YBX3: variants seen among roughly 807,000 people sequenced by gnomAD.
YBX3 encodes Y-box binding protein 3.
In YBX3, 29 loss-of-function variants were observed where a neutral mutation model predicts 42.4. The observed-to-expected ratio is 0.68, with a 90% CI of 0.51 to 0.93. YBX3 has a LOEUF of 0.93. Ranked by LOEUF, YBX3 falls within the 40% of genes least tolerant of loss-of-function variation. The pLI, the probability that YBX3 is intolerant of heterozygous loss-of-function variation, is 0.00. For synonymous variants in YBX3, 195 were observed against 189.8 expected (o/e 1.03, Z -0.22); for missense variants, 517 against 527.5 (o/e 0.98, Z 0.19).
intron 4 of YBX3, 39 bp downstream of exon 4, chr12:10,715,655 G>A (rs1187316323): frequency 1.3e-6 from 2 of 1,529,550 alleles, no homozygotes; most frequent in Non-Finnish European, 1.8e-6. Flanking sequence ...ACAGTACTAT[G>A]TGCCAGCACT....
At position 10,722,842 on chromosome 12, in the gene YBX3, T is replaced by C; in HGVS notation, c.262+8A>G. ...ACGGCAGCCCCTGCCCTCCCTGGCC[T>C]GACTCACCGAGAACTTTTTTCTCCG... On this transcript the variant is annotated splice_region_variant and intron_variant, in intron 1 of 9. Coordinates refer to ENST00000228251, the MANE Select transcript of YBX3 (RefSeq NM_003651.5). The C allele has an allele frequency of 6.8e-7, 1 of 1,478,774 alleles. No homozygotes were observed. Among genetic ancestry groups the C allele is most frequent in the South Asian group, 1.3e-5 (1 of 74,408 alleles). 91.6% of individuals were successfully genotyped at this position (1,478,774 alleles called of 1,614,324 possible).
In YBX3 at chr12:10,723,073, G is replaced by GGTA; in HGVS notation, c.38_39insTAC (p.Thr14dup). On this transcript the variant is annotated inframe_insertion, in exon 1 of 10. Transcript: ENST00000228251. ...CCTCCGTCGGAGCCTGCGGGAGGGTGGTGGTGGTGGTGGTGGTGGCCTCGC... is the reference window on the plus strand; with the variant it reads ...CCTCCGTCGGAGCCTGCGGGAGGGTGGTAGTGGTGGTGGTGGTGGTGGCCTCGC... 1 of 1,206,066 alleles carries GGTA rather than the reference G, an allele frequency of 8.3e-7. No homozygotes were observed. Among genetic ancestry groups the GGTA allele is most frequent in the Admixed American group, 4.4e-5 (1 of 22,588 alleles). 74.7% of individuals were successfully genotyped at this position (1,206,066 alleles called of 1,614,324 possible).
intron 5 of YBX3, 150 bp from the exon 6 acceptor site, chr12:10,710,264 TATC>T: frequency 1.3e-6 from 2 of 1,513,790 alleles, no homozygotes; most frequent in Non-Finnish European, 1.8e-6. Flanking sequence ...TAACCCAGAT[TATC>T]ATGTGATTGC....
At chr12:10,722,409 C>G (rs888401141) in intron 1 of YBX3, 1 of 153,476 alleles carries the variant, frequency 6.5e-6, no homozygotes, top group African/African-American at 2.4e-5. Flanking sequence ...CTCTCCTTTC[C>G]CAGATCCCAA....
At chr12:10,713,370 A>G (rs746802214) in intron 4 of YBX3, 37 bp from the exon 5 acceptor site, 1 of 1,606,292 alleles carries the variant, frequency 6.2e-7, no homozygotes, top group African/African-American at 1.3e-5. Context: ...CAAAATTAAA[A>G]AGAATATACA....
rs1028849631 is a variant in YBX3, at chr12:10,715,919, T to G, written c.361-136A>C. The G allele has an allele frequency of 4.2e-5, 29 of 689,712 alleles. 1 individual carries two copies. Among genetic ancestry groups the G allele is most frequent in the Middle Eastern group, 3.1e-4 (1 of 3,220 alleles). 42.7% of individuals were successfully genotyped at this position (689,712 alleles called of 1,614,324 possible). A position where few individuals can be genotyped will look rare whatever the true frequency, so the allele number is the denominator to read the frequency against. ...ATTTTTCCACCATTCTCCCACTAAGTTGGATCTCCAACACAACAACAAGAA... is the reference window on the plus strand; with the variant it reads ...ATTTTTCCACCATTCTCCCACTAAGGTGGATCTCCAACACAACAACAAGAA... On this transcript the variant is annotated intron_variant, in intron 3 of 9. Transcript: ENST00000228251.
At position 10,702,035 on chromosome 12, in the gene YBX3, G is replaced by T; in HGVS notation, c.978C>A (p.Arg326=). The T allele has an allele frequency of 1.7e-5, 27 of 1,614,146 alleles. No homozygotes were observed. Among genetic ancestry groups the T allele is most frequent in the Non-Finnish European group, 2.3e-5 (27 of 1,180,016 alleles). ...ATSGPNQPSV[R]RGYRRPYNYR... is the part of the protein sequence containing the mutation. ...AATTGTAGGGACGCCGGTATCCACGGCGAACAGACGGCTGGTTTGGACCAC... is the reference window on the plus strand; with the variant it reads ...AATTGTAGGGACGCCGGTATCCACGTCGAACAGACGGCTGGTTTGGACCAC... Residue 326 remains arginine, a synonymous_variant, in exon 8 of 10, where the codon CGC becomes CGA. Transcript: ENST00000228251.
At chr12:10,712,182 A>G (rs1203962255) in intron 5 of YBX3, 6 of 152,214 alleles carry the variant, frequency 3.9e-5, no homozygotes, top group Non-Finnish European at 7.3e-5. Context: ...CAGATATTTA[A>G]TTCTGATGAG....
chr12:10,711,677 AGTT>A (rs1948202036), intron 5 of YBX3: 1 of 152,246 alleles, frequency 6.6e-6, no homozygotes, highest in Non-Finnish European at 1.5e-5. Context: ...ATACTGAACA[AGTT>A]GTTGGGACTT....
Position 10,722,952 on chromosome 12 carries a change from C to T in YBX3, c.160G>A (p.Gly54Arg). 2 of 1,268,088 alleles carry T rather than the reference C, an allele frequency of 1.6e-6. No homozygotes were observed. Among genetic ancestry groups the T allele is most frequent in the Non-Finnish European group, 2.0e-6 (2 of 1,012,198 alleles). 78.6% of individuals were successfully genotyped at this position (1,268,088 alleles called of 1,614,324 possible). ...AAPAPAAHVA[G>R]NPGGDAAPAA... ...GGGGCCGCGTCCCCACCGGGGTTTCCTGCGACGTGGGCGGCGGGCGCCGGG... is the reference window on the plus strand; with the variant it reads ...GGGGCCGCGTCCCCACCGGGGTTTCTTGCGACGTGGGCGGCGGGCGCCGGG... Residue 54 changes from glycine to arginine, a missense_variant, in exon 1 of 10, where the codon GGA (glycine) becomes AGA (arginine). Gly to Arg is a moderately radical substitution (Grantham distance 125, BLOSUM62 -2). Around this residue, in one of 3 missense-constraint regions of YBX3, gnomAD observed 86 missense variants for 82.5 expected, o/e 1.04. Coordinates refer to ENST00000228251, the MANE Select transcript of YBX3 (RefSeq NM_003651.5).
At chr12:10,720,042 C>T (rs1250300436) in intron 1 of YBX3, among the ~76,000 whole-genome samples, 1 of 151,958 alleles carries the variant, frequency 6.6e-6, no homozygotes, top group Admixed American at 6.6e-5. Flanking sequence ...TAGGAAATGC[C>T]CCTGTCTCAA....
chr12:10,717,992 A>G, intron 3 of YBX3, 96 bp downstream of exon 3: 1 of 1,026,038 alleles, frequency 9.7e-7, no homozygotes, highest in Non-Finnish European at 1.4e-6. Flanking sequence ...TTAGATTAAA[A>G]TAATAATCCA....
At chr12:10,722,528 AT>A in intron 1 of YBX3, 1 of 206,768 alleles carries the variant, frequency 4.8e-6, no homozygotes, top group Non-Finnish European at 9.6e-6. Context: ...AAACGCAGGC[AT>A]TTTCCACCAC....
intron 6 of YBX3, among the ~76,000 whole-genome samples, chr12:10,706,236 A>T (rs1372487285): frequency 1.3e-5 from 2 of 152,180 alleles, no homozygotes; most frequent in Non-Finnish European, 2.9e-5. Flanking sequence ...TAAGGGAGAG[A>T]CCAGGGGTAA....
chr12:10,699,861 GAA>G (rs1948059974), intron 9 of YBX3, among the ~76,000 whole-genome samples: 3 of 151,934 alleles, frequency 2.0e-5, no homozygotes, highest in Non-Finnish European at 4.4e-5. Flanking sequence ...TTATAAACCA[GAA>G]AAGTCAGTAC....
chr12:10,713,074 T>C, intron 5 of YBX3, 137 bp downstream of exon 5: 3 of 1,201,502 alleles, frequency 2.5e-6, no homozygotes, highest in Non-Finnish European at 3.4e-6. Flanking sequence ...AAAAATTTCC[T>C]CTAAAGAAAA....
chr12:10,703,894 G>A, intron 7 of YBX3, 157 bp downstream of exon 7: 2 of 616,538 alleles, frequency 3.2e-6, no homozygotes, highest in East Asian at 2.8e-5. Flanking sequence ...AAGTAGGTGG[G>A]AAATGTCACA....
rs1948088836 is a variant in YBX3 at position 10,702,149 on chromosome 12, GAAGAA to G, written c.879-20_879-16del. On this transcript the variant is annotated splice_polypyrimidine_tract_variant and intron_variant, in intron 7 of 9. Transcript: ENST00000228251. ...GAGGTCCCCTGCTGTAGGGAACACA[GAAGAA>G]AATAGAACAGGTGCCAACAGGACAG... 6.2e-7 allele frequency: 1 copy of G among 1,607,524 alleles called. No individual in the cohort carries two copies. The highest frequency in any genetic ancestry group is 1.3e-5 in the African/African-American group (1 of 74,522).
chr12:10,704,839 C>T (rs1565586379), intron 6 of YBX3, among the ~76,000 whole-genome samples: 1 of 152,196 alleles, frequency 6.6e-6, no homozygotes, highest in Non-Finnish European at 1.5e-5. Context: ...CTAGACACAG[C>T]ATGTTAACGC....
Sources: gnomAD v4.1 joint callset for allele counts (sites outside exome capture counted in the v4.1 genomes callset) on GRCh38, gnomAD v4.1.1 for gene constraint, gnomAD v4.1.1 regional missense constraint, MANE v1.5 for transcripts, NCBI Gene and HGNC (gene_info 2026-07-23, HGNC 2026-07-21) for gene names.